MYO18B: variants seen among roughly 807,000 people sequenced by gnomAD.
MYO18B encodes myosin XVIIIB, also known as unconventional myosin-XVIIIb.
In MYO18B, 204 loss-of-function variants were observed where a neutral mutation model predicts 273.0. That is an observed-to-expected ratio of 0.75 (90% confidence interval 0.67 to 0.84). The LOEUF (loss-of-function observed/expected upper bound fraction) is 0.84, where lower values mean the gene tolerates loss of function less well. MYO18B is among the 40% of genes least tolerant of loss of function. MYO18B has a pLI of 0.00. For synonymous variants in MYO18B, 1,330 were observed against 1,305.7 expected, an observed-to-expected ratio of 1.02 and a Z score of -0.40; for missense variants, 3,212 against 3,287.6, an observed-to-expected ratio of 0.98 and a Z score of 0.56.
At chr22:25,825,844 T>G (rs1204883663) in intron 13 of MYO18B, among the ~76,000 whole-genome samples, 1 of 152,214 alleles carries the variant, frequency 6.6e-6, no homozygotes, top group Non-Finnish European at 1.5e-5. Context: ...GTGAAATTAT[T>G]AGGTCCCAGT....
intron 11 of MYO18B, among the ~76,000 whole-genome samples, chr22:25,797,314 G>C (rs1490426987): frequency 6.6e-6 from 1 of 152,168 alleles, no homozygotes; most frequent in Non-Finnish European, 1.5e-5. Flanking sequence ...CCCTTTGCCT[G>C]TTGGGACTTC....
At chr22:25,930,551 T>C (rs6004838) in intron 34 of MYO18B, among the ~76,000 whole-genome samples, 53,110 of 150,704 alleles carry the variant, frequency 0.35, 10,134 homozygotes, top group African/African-American at 0.48. Context: ...TGCCCTGTCA[T>C]CCAGGCTGGA....
At chr22:26,015,349 T>C (rs1456993939) in intron 42 of MYO18B, among the ~76,000 whole-genome samples, 3 of 152,194 alleles carry the variant, frequency 2.0e-5, no homozygotes, top group African/African-American at 7.2e-5. Flanking sequence ...CACATGCATA[T>C]ATATGGTTCA....
chr22:25,929,564 T>C (rs556327413), intron 34 of MYO18B, among the ~76,000 whole-genome samples: 2 of 152,348 alleles, frequency 1.3e-5, no homozygotes, highest in Middle Eastern at 6.8e-3. Context: ...CCCTATTTGA[T>C]TCATGCTTCT....
At chr22:25,903,291 C>G (rs2091974318) in intron 30 of MYO18B, 4 of 262,698 alleles carry the variant, frequency 1.5e-5, no homozygotes, top group Non-Finnish European at 2.9e-5. Flanking sequence ...TCAATCCCAG[C>G]CTCAGACGGC....
intron 39 of MYO18B, among the ~76,000 whole-genome samples, chr22:25,960,871 G>A (rs1046388214): frequency 1.1e-4 from 16 of 152,068 alleles, no homozygotes; most frequent in Admixed American, 7.9e-4. Context: ...TTATGGGGCC[G>A]GATATGTTGG....
intron 39 of MYO18B, among the ~76,000 whole-genome samples, chr22:25,969,444 C>T (rs966933437): frequency 1.3e-5 from 2 of 152,220 alleles, no homozygotes; most frequent in African/African-American, 4.8e-5. Context: ...TCAGATCTGG[C>T]TGCTGTCCTG....
chr22:25,998,744 C>A (rs1045828548), intron 40 of MYO18B, among the ~76,000 whole-genome samples: 9 of 152,186 alleles, frequency 5.9e-5, no homozygotes, highest in African/African-American at 1.9e-4. Context: ...TTTTTACTTT[C>A]TAGTTTGTCC....
In MYO18B at chr22:26,027,851, G is replaced by A. The variant is rs1936379738; in HGVS notation, c.*12+161G>A. The A allele has an allele frequency of 1.4e-6, 1 of 729,150 alleles. No homozygotes were observed. The highest frequency in any genetic ancestry group is 1.8e-5 in the African/African-American group (1 of 56,338). 45.2% of individuals were successfully genotyped at this position (729,150 alleles called of 1,614,324 possible). A position where few individuals can be genotyped will look rare whatever the true frequency, so the allele number is the denominator to read the frequency against. On this transcript the variant is annotated intron_variant, in intron 43 of 43. Transcript: ENST00000335473. This position sits in a 1 kb window ranked among gnomAD's most constrained non-coding sequence, Gnocchi z 4.1. ...GAAGTCATGTGTTGATGGATGCAAA[G>A]CTTTTCAGAACCCCTCTGCTGGGTA...
intron 3 of MYO18B, among the ~76,000 whole-genome samples, chr22:25,765,821 T>C (rs985753445): frequency 9.2e-5 from 14 of 152,204 alleles, no homozygotes; most frequent in Non-Finnish European, 1.6e-4. Flanking sequence ...CACCCCATGT[T>C]ACTGTCTCCT....
intron 22 of MYO18B, among the ~76,000 whole-genome samples, chr22:25,871,174 T>A (rs1193093725): frequency 6.6e-6 from 1 of 152,078 alleles, no homozygotes; most frequent in East Asian, 1.9e-4. Flanking sequence ...GACAAGAGAA[T>A]CGGCTGACCC....
At chr22:26,005,919 G>C (rs1233899882) in intron 42 of MYO18B, among the ~76,000 whole-genome samples, 1 of 152,162 alleles carries the variant, frequency 6.6e-6, no homozygotes, top group Non-Finnish European at 1.5e-5. Context: ...TCAAAGACAG[G>C]CTCCAAGAAT....
intron 39 of MYO18B, among the ~76,000 whole-genome samples, chr22:25,981,098 A>G (rs945873325): frequency 5.9e-5 from 9 of 152,146 alleles, no homozygotes; most frequent in African/African-American, 2.2e-4. Flanking sequence ...CCTTAGAAGG[A>G]TACTGGTCAT....
chr22:25,820,657 T>C (rs2089242174), intron 12 of MYO18B, among the ~76,000 whole-genome samples: 1 of 152,190 alleles, frequency 6.6e-6, no homozygotes, highest in African/African-American at 2.4e-5. Context: ...TGAACAATTA[T>C]CATTTATTTG....
chr22:25,980,209 G>A (rs1484178238), intron 39 of MYO18B, among the ~76,000 whole-genome samples: 1 of 152,162 alleles, frequency 6.6e-6, no homozygotes, highest in Admixed American at 6.5e-5. Context: ...TGGGATGTGT[G>A]AATGCACACA....
chr22:25,768,992 G>A lies in MYO18B; in HGVS notation c.1076G>A (p.Ser359Asn), dbSNP rs1472894019. The change falls in exon 4 of 44, where the codon AGC becomes AAC. Residue 359 changes from serine to asparagine, a missense_variant. Ser to Asn is a conservative substitution (Grantham distance 46). Coordinates refer to ENST00000335473, the MANE Select transcript of MYO18B (RefSeq NM_032608.7). ...CCTCAGACCCAGATGGAGAAGACAA[G>A]CCAAGTGCAGGGCGAGTTGGGGGAC... The part of the protein sequence containing the change: ...GEPQTQMEKT[S>N]QVQGELGDDL... 2 of 1,611,284 alleles carry A rather than the reference G, an allele frequency of 1.2e-6. No individual in the cohort carries two copies. Among genetic ancestry groups the A allele is most frequent in the Admixed American group, 1.7e-5 (1 of 59,596 alleles).
At chr22:25,943,212 C>T (rs2092665167) in intron 34 of MYO18B, among the ~76,000 whole-genome samples, 1 of 152,146 alleles carries the variant, frequency 6.6e-6, no homozygotes, top group Non-Finnish European at 1.5e-5. Flanking sequence ...ACATCATCTC[C>T]CTTGATGGCC....
At chr22:25,941,262 C>G (rs1397885217) in intron 34 of MYO18B, among the ~76,000 whole-genome samples, 1 of 152,202 alleles carries the variant, frequency 6.6e-6, no homozygotes, top group African/African-American at 2.4e-5. Flanking sequence ...CTCTCCACCC[C>G]TGAGAGGCCT....
chr22:25,995,783 T>C (rs955475873), intron 40 of MYO18B, among the ~76,000 whole-genome samples: 1 of 152,224 alleles, frequency 6.6e-6, no homozygotes, highest in African/African-American at 2.4e-5. Context: ...CTCCATGCCC[T>C]GGAATCCAAT....
Sources: gnomAD v4.1 joint callset for allele counts (sites outside exome capture counted in the v4.1 genomes callset) on GRCh38, gnomAD v4.1.1 for gene constraint, Gnocchi (gnomAD v3.1) non-coding constraint, MANE v1.5 for transcripts, NCBI Gene and HGNC (gene_info 2026-07-23, HGNC 2026-07-21) for gene names.